MORC1: variants seen among roughly 807,000 people sequenced by gnomAD.
MORC1 encodes MORC family CW-type zinc finger 1.
A neutral mutation model predicts 134.9 loss-of-function variants in MORC1; 59 were observed. The observed-to-expected ratio is 0.44, with a 90% CI of 0.35 to 0.54. The LOEUF (loss-of-function observed/expected upper bound fraction) is 0.54, where lower values mean the gene tolerates loss of function less well. Among genes scored for constraint, MORC1 ranks in the 20% least tolerant of loss-of-function variants. The probability of loss-of-function intolerance (pLI) is 0.00; values close to 1 mark genes in which losing one functional copy is unlikely to be tolerated. For synonymous variants in MORC1, 395 were observed against 391.7 expected (o/e 1.01, Z -0.10); for missense variants, 947 against 1,134.5 (o/e 0.83, Z 2.37).
At chr3:109,014,162 A>AATGGGGAAATATAT (rs1279397817) in intron 17 of MORC1, among the ~76,000 whole-genome samples, 13 of 152,212 alleles carry the variant, frequency 8.5e-5, no homozygotes, top group Admixed American at 3.9e-4. Flanking sequence ...AAAATGGGGA[A>AATGGGGAAATATAT]ATGCTAAATC....
intron 3 of MORC1, among the ~76,000 whole-genome samples, chr3:109,109,118 G>T: frequency 6.6e-6 from 1 of 152,002 alleles, no homozygotes; most frequent in Non-Finnish European, 1.5e-5. Context: ...CATCATTCAG[G>T]TCTTTGCTTG....
At chr3:108,968,907 T>C (rs1300243532) in intron 26 of MORC1, among the ~76,000 whole-genome samples, 1 of 152,092 alleles carries the variant, frequency 6.6e-6, no homozygotes, top group East Asian at 1.9e-4. Flanking sequence ...GGCTCCAACA[T>C]TCATCCCCTA....
chr3:108,963,125 G>A (rs1022284179), intron 27 of MORC1, among the ~76,000 whole-genome samples: 1 of 150,734 alleles, frequency 6.6e-6, no homozygotes, highest in Admixed American at 6.6e-5. Flanking sequence ...GGAGGCGGAG[G>A]TTGCAGTGAG....
intron 17 of MORC1, among the ~76,000 whole-genome samples, chr3:109,015,086 C>T (rs1438101466): frequency 6.6e-6 from 1 of 152,066 alleles, no homozygotes; most frequent in African/African-American, 2.4e-5. Flanking sequence ...CGGGGTTTCA[C>T]CATGTTAGCC....
Position 109,059,862 on chromosome 3 carries a change from T to A in MORC1, c.975A>T (p.Leu325Phe). The A allele has an allele frequency of 6.2e-7, 1 of 1,612,044 alleles. No individual in the cohort carries two copies. Among genetic ancestry groups the A allele is most frequent in the Non-Finnish European group, 8.5e-7 (1 of 1,179,056 alleles). The change falls in exon 12 of 28, where the codon TTA becomes TTT. Residue 325 changes from leucine to phenylalanine, a missense_variant. Physicochemically the swap from Leu to Phe is conservative, Grantham distance 22 (BLOSUM62 0). Around this residue, in one of 3 missense-constraint regions of MORC1, gnomAD observed 722 missense variants for 817.0 expected, o/e 0.88. Coordinates refer to ENST00000232603, the MANE Select transcript of MORC1 (RefSeq NM_014429.4). ...CTTCTACATCTTCCAAAGCTCTCTG[T>A]AATACATCCTGGAGAAATGCATTGG... ...RTSLSSAKDV[L>F]QRALEDVEAK... is the part of the protein sequence containing the mutation.
At chr3:109,092,814 C>T (rs1950757590) in intron 8 of MORC1, among the ~76,000 whole-genome samples, 1 of 152,158 alleles carries the variant, frequency 6.6e-6, no homozygotes, top group South Asian at 2.1e-4. Context: ...TTTACAATCT[C>T]TTCTAGCTGT....
intron 9 of MORC1, among the ~76,000 whole-genome samples, chr3:109,064,268 G>A (rs1950148465): frequency 6.6e-6 from 1 of 151,994 alleles, no homozygotes; most frequent in Non-Finnish European, 1.5e-5. Flanking sequence ...ACTGGTAAAA[G>A]GGGCTTTTGG....
chr3:109,100,014 C>A (rs62274701), intron 5 of MORC1, among the ~76,000 whole-genome samples: 3 of 152,038 alleles, frequency 2.0e-5, no homozygotes, highest in African/African-American at 7.2e-5. Flanking sequence ...GAGGCCGAGG[C>A]GGGCTGATTA....
chr3:109,053,404 GA>G (rs1439473972), intron 14 of MORC1, among the ~76,000 whole-genome samples: 1 of 151,852 alleles, frequency 6.6e-6, no homozygotes, highest in African/African-American at 2.4e-5. Context: ...ACTGGATAAA[GA>G]AAATGTGGCA....
In MORC1 at chr3:109,118,088, G is replaced by C; in HGVS notation, c.-29C>G. The C allele has an allele frequency of 1.3e-5, 20 of 1,596,276 alleles. No homozygotes were observed. The highest frequency in any genetic ancestry group is 1.7e-5 in the Non-Finnish European group (20 of 1,170,898). Reference sequence around the variant, plus strand: ...CTCGAACACGACCCGCGCAACTCAAGGGGACAAGGACACCTGACCGGCAGC... The same window carrying C: ...CTCGAACACGACCCGCGCAACTCAACGGGACAAGGACACCTGACCGGCAGC... On this transcript the variant is annotated 5_prime_UTR_variant, in exon 1 of 28. Coordinates refer to ENST00000232603, the MANE Select transcript of MORC1 (RefSeq NM_014429.4).
chr3:109,072,358 G>C (rs1950336948), intron 8 of MORC1, among the ~76,000 whole-genome samples: 1 of 152,064 alleles, frequency 6.6e-6, no homozygotes, highest in African/African-American at 2.4e-5. Flanking sequence ...ACTTGAAACT[G>C]CACTTCCTTT....
chr3:109,030,596 T>C (rs554276641), intron 16 of MORC1, among the ~76,000 whole-genome samples: 2 of 152,366 alleles, frequency 1.3e-5, no homozygotes, highest in South Asian at 2.1e-4. Flanking sequence ...CATGTCAGTA[T>C]ATTTAAAGAA....
chr3:109,037,265 T>G (rs992113345), intron 14 of MORC1, among the ~76,000 whole-genome samples: 1 of 152,228 alleles, frequency 6.6e-6, no homozygotes, highest in African/African-American at 2.4e-5. Flanking sequence ...TCAGCCTCTT[T>G]CTTCGGCCTC....
At chr3:109,077,815 G>A (rs1950450392) in intron 8 of MORC1, among the ~76,000 whole-genome samples, 1 of 151,846 alleles carries the variant, frequency 6.6e-6, no homozygotes, top group South Asian at 2.1e-4. Context: ...AAAGACAGAA[G>A]CAGTTAGAAT....
intron 21 of MORC1, among the ~76,000 whole-genome samples, chr3:108,994,056 T>G (rs762371121): frequency 6.6e-6 from 1 of 152,090 alleles, no homozygotes; most frequent in African/African-American, 2.4e-5. Flanking sequence ...ATCTGCCTCT[T>G]TTGAAAGCTT....
intron 20 of MORC1, among the ~76,000 whole-genome samples, chr3:109,001,384 G>T (rs1472967788): frequency 6.6e-6 from 1 of 152,054 alleles, no homozygotes; most frequent in Non-Finnish European, 1.5e-5. Flanking sequence ...ACTTTTAATG[G>T]CAAAAACAGC....
intron 13 of MORC1, 109 bp from the exon 14 acceptor site, chr3:109,054,991 G>A: frequency 1.0e-6 from 1 of 996,488 alleles, no homozygotes; most frequent in Non-Finnish European, 1.5e-6. Flanking sequence ...AATTCATTCT[G>A]TTGATCTGGA....
chr3:109,048,509 TTC>T (rs1290711854), intron 14 of MORC1, among the ~76,000 whole-genome samples: 2 of 152,214 alleles, frequency 1.3e-5, no homozygotes, highest in African/African-American at 4.8e-5. Context: ...CATTATAATA[TTC>T]TCTTTAATTC....
In MORC1 at chr3:109,006,279, C is replaced by T. The variant is rs141381152; in HGVS notation, c.1767+750G>A. Reference sequence around the variant, plus strand: ...GAGTTGGATTATAAGACTATACCAGCTCCAACTTATTTCTGGGTTCATTGG... The same window carrying T: ...GAGTTGGATTATAAGACTATACCAGTTCCAACTTATTTCTGGGTTCATTGG... On this transcript the variant is annotated intron_variant, in intron 18 of 27. Coordinates refer to ENST00000232603, the MANE Select transcript of MORC1 (RefSeq NM_014429.4). 6.8e-3 allele frequency among the ~76,000 whole-genome samples: 1,042 copies of T among 152,224 alleles called. 12 individuals are homozygous for T. The highest frequency in any genetic ancestry group is 7.3e-3 in the Non-Finnish European group (497 of 68,010).
Sources: allele counts gnomAD v4.1 joint callset (sites outside exome capture counted in the v4.1 genomes callset), GRCh38; gene constraint gnomAD v4.1.1; regional missense constraint gnomAD v4.1.1; transcripts MANE v1.5; gene names NCBI Gene and HGNC (gene_info 2026-07-23, HGNC 2026-07-21).